The following GALNT13 variants were observed in gnomAD, a reference collection of about 807,000 sequenced individuals.
GALNT13 encodes the protein UDP-GalNAc:polypeptide N-acetylgalactosaminyltransferase 13.
GALNT13 carries 28 observed loss-of-function variants against 64.2 expected under a neutral mutation model. That is an observed-to-expected ratio of 0.44 (90% CI 0.32 to 0.60). GALNT13 has a LOEUF of 0.60. GALNT13 is among the 20% of genes least tolerant of loss of function. The pLI, the probability that GALNT13 is intolerant of heterozygous loss-of-function variation, is 0.05. For synonymous variants in GALNT13, 214 were observed against 224.6 expected, an observed-to-expected ratio of 0.95 and a Z score of 0.42; for missense variants, 577 against 669.8, an observed-to-expected ratio of 0.86 and a Z score of 1.53.
chr2:154,386,511 G>A (rs1698521428), intron 9 of GALNT13, among the ~76,000 whole-genome samples: 1 of 152,076 alleles, frequency 6.6e-6, no homozygotes, highest in Non-Finnish European at 1.5e-5. Flanking sequence ...TCAAGACTGG[G>A]AGGGTCAGTT....
At chr2:153,596,428 A>G in the GALNT13 span, among the ~76,000 whole-genome samples, 1 of 152,138 alleles carries the variant, frequency 6.6e-6, no homozygotes, top group African/African-American at 2.4e-5. Context: ...TGAAAACACA[A>G]TCTATTACTC....
intron 3 of GALNT13, among the ~76,000 whole-genome samples, chr2:154,106,334 G>C (rs1432489594): frequency 6.6e-6 from 1 of 151,968 alleles, no homozygotes; most frequent in East Asian, 1.9e-4. Flanking sequence ...AGTTTATGAT[G>C]CATTTTGAAT....
At chr2:153,659,734 T>G in the GALNT13 span, among the ~76,000 whole-genome samples, 1 of 152,142 alleles carries the variant, frequency 6.6e-6, no homozygotes, top group African/African-American at 2.4e-5. Flanking sequence ...AGCAGCTTTC[T>G]GCTGACTCTG....
chr2:153,206,108 G>A, the GALNT13 span, among the ~76,000 whole-genome samples: 2 of 152,002 alleles, frequency 1.3e-5, no homozygotes, highest in South Asian at 4.1e-4. Context: ...TACTAGCATT[G>A]CTTTCAGTCA....
chr2:154,290,320 G>A (rs1384766516), intron 8 of GALNT13, among the ~76,000 whole-genome samples: 1 of 152,204 alleles, frequency 6.6e-6, no homozygotes, highest in Admixed American at 6.5e-5. Context: ...TCTCTTTAAT[G>A]AGAGATTGCA....
chr2:153,291,540 C>T, the GALNT13 span, among the ~76,000 whole-genome samples: 76,669 of 151,770 alleles, frequency 0.51, 20,176 homozygotes, highest in Middle Eastern at 0.64. Flanking sequence ...AGAGCTTCAC[C>T]TCCCCAGCTT....
the GALNT13 span, among the ~76,000 whole-genome samples, chr2:153,190,171 G>A: frequency 1.3e-5 from 2 of 152,078 alleles, no homozygotes; most frequent in South Asian, 4.1e-4. Context: ...TGTTTGTCTA[G>A]ACCAATGTCC....
chr2:154,364,627 T>C (rs1697258959), intron 9 of GALNT13, among the ~76,000 whole-genome samples: 1 of 151,388 alleles, frequency 6.6e-6, no homozygotes, highest in East Asian at 2.0e-4. Context: ...TTGAGTATTG[T>C]TATCCTTCAC....
At chr2:153,987,823 T>A (rs1221354576) in intron 3 of GALNT13, among the ~76,000 whole-genome samples, 1 of 151,752 alleles carries the variant, frequency 6.6e-6, no homozygotes, top group Non-Finnish European at 1.5e-5. Context: ...ATGAAATCAT[T>A]TATTTAGTTT....
At chr2:154,348,376 A>G (rs571747487) in intron 9 of GALNT13, among the ~76,000 whole-genome samples, 1 of 151,940 alleles carries the variant, frequency 6.6e-6, no homozygotes, top group Non-Finnish European at 1.5e-5. Context: ...CTTCCATTTG[A>G]ATAGTGTTAA....
intron 11 of GALNT13, among the ~76,000 whole-genome samples, chr2:154,413,251 T>C (rs1326757600): frequency 1.3e-5 from 2 of 152,014 alleles, no homozygotes; most frequent in South Asian, 2.1e-4. Context: ...CACAGAGTCA[T>C]CCAAAATGGA....
At chr2:153,816,651 TAA>T in the GALNT13 span, among the ~76,000 whole-genome samples, 1 of 152,002 alleles carries the variant, frequency 6.6e-6, no homozygotes, top group African/African-American at 2.4e-5. Flanking sequence ...AGATAGATTA[TAA>T]AAGATTGATA....
At chr2:153,981,471 G>GT (rs1488038699) in intron 3 of GALNT13, among the ~76,000 whole-genome samples, 1 of 151,834 alleles carries the variant, frequency 6.6e-6, no homozygotes, top group Admixed American at 6.6e-5. Flanking sequence ...GCGGTGTTTG[G>GT]TTTTTTTGTT....
chr2:154,106,433 A>G (rs747501219), intron 3 of GALNT13, among the ~76,000 whole-genome samples: 16 of 152,054 alleles, frequency 1.1e-4, no homozygotes, highest in Non-Finnish European at 2.2e-4. Flanking sequence ...TTGTGAAATG[A>G]CTATCTTTTT....
chr2:153,164,744 A>G, the GALNT13 span, among the ~76,000 whole-genome samples: 1 of 152,140 alleles, frequency 6.6e-6, no homozygotes, highest in Admixed American at 6.5e-5. Context: ...CATGTTATTA[A>G]CTATAGGCAC....
chr2:153,359,661 A>AAAAAAAAAAAAAAAAAAC, the GALNT13 span, among the ~76,000 whole-genome samples: 1 of 141,072 alleles, frequency 7.1e-6, no homozygotes. Flanking sequence ...AAAAAAAAAA[A>AAAAAAAAAAAAAAAAAAC]AAGTGACATA....
At chr2:153,437,919 C>T in the GALNT13 span, among the ~76,000 whole-genome samples, 3 of 152,178 alleles carry the variant, frequency 2.0e-5, no homozygotes, top group African/African-American at 7.2e-5. Flanking sequence ...TTCTTCCTAG[C>T]CTCGATGGTC....
At chr2:153,305,129 A>G in the GALNT13 span, among the ~76,000 whole-genome samples, 1 of 152,186 alleles carries the variant, frequency 6.6e-6, no homozygotes, top group Non-Finnish European at 1.5e-5. Context: ...CCAACCCACC[A>G]CTGGTTCTCA....
intron 3 of GALNT13, among the ~76,000 whole-genome samples, chr2:153,946,320 TAA>T (rs1182084698): frequency 6.6e-6 from 1 of 152,146 alleles, no homozygotes; most frequent in East Asian, 1.9e-4. Context: ...TAATGCTCCT[TAA>T]GTCTTAAATC....
Sources: gnomAD v4.1 joint callset for allele counts (sites outside exome capture counted in the v4.1 genomes callset) on GRCh38, gnomAD v4.1.1 for gene constraint, MANE v1.5 for transcripts, NCBI Gene and HGNC (gene_info 2026-07-23, HGNC 2026-07-21) for gene names.